TULP4: variants seen among roughly 807,000 people sequenced by gnomAD.
TULP4 encodes the protein TUB like protein 4.
Under a neutral mutation model 129.0 loss-of-function variants are expected in TULP4, and 16 were observed. The observed-to-expected ratio is 0.12, with a 90% CI of 0.08 to 0.19. The LOEUF (loss-of-function observed/expected upper bound fraction) is 0.19, where lower values mean the gene tolerates loss of function less well. TULP4 is among the 10% of genes least tolerant of loss of function. The pLI, the probability that TULP4 is intolerant of heterozygous loss-of-function variation, is 1.00. For missense variants in TULP4, 1,842 were observed against 2,059.1 expected (o/e 0.89, Z 2.04); for synonymous variants, 998 against 854.0 (o/e 1.17, Z -2.94).
intron 8 of TULP4, chr6:158,481,531 A>G (rs1779945321): frequency 3.6e-6 from 2 of 559,290 alleles, no homozygotes; most frequent in South Asian, 4.2e-5. Flanking sequence ...CGGTGGATAG[A>G]TGAACCAGGC....
chr6:158,257,485 T>C (rs952999949), intron 1 of TULP4, among the ~76,000 whole-genome samples: 3 of 152,240 alleles, frequency 2.0e-5, no homozygotes, highest in Non-Finnish European at 4.4e-5. Flanking sequence ...AAACAACATT[T>C]ATATTGTTGT....
At chr6:158,344,655 G>A (rs778726752) in intron 1 of TULP4, among the ~76,000 whole-genome samples, 12 of 152,084 alleles carry the variant, frequency 7.9e-5, no homozygotes, top group Non-Finnish European at 1.5e-4. Context: ...TGTTCCACCG[G>A]CTGGCCATTC....
chr6:158,309,004 C>T (rs1176560924), upstream of TULP4, among the ~76,000 whole-genome samples: 5 of 146,594 alleles, frequency 3.4e-5, no homozygotes, highest in African/African-American at 5.0e-5. Context: ...ACCTCCCTCC[C>T]GGACAGGGCG....
Position 158,429,770 on chromosome 6 carries a change from A to T in TULP4, c.416A>T (p.Gln139Leu). 1.2e-6 allele frequency: 2 copies of T among 1,613,438 alleles called. No individual in the cohort carries two copies. Among genetic ancestry groups the T allele is most frequent in the Non-Finnish European group, 1.7e-6 (2 of 1,179,682 alleles). The change falls in exon 3 of 14, where the codon CAA becomes CTA. Residue 139 changes from glutamine (Q) to leucine (L), a missense_variant. Transcript: ENST00000367097. ...TTCACGTGGAGCCATGATGGAACTC[A>T]AGCACTTATTTCCTATCGAGATGGG... The part of the protein sequence containing the change: ...SDFTWSHDGT[Q>L]ALISYRDGFV...
intron 6 of TULP4, among the ~76,000 whole-genome samples, chr6:158,462,385 C>CT (rs61200391): frequency 1.1e-3 from 152 of 134,558 alleles, no homozygotes; most frequent in East Asian, 1.9e-3. Context: ...TTTTTTCTTT[C>CT]TTTTTTTTTT....
chr6:158,446,698 T>C (rs1417787627), intron 3 of TULP4, among the ~76,000 whole-genome samples: 2 of 151,934 alleles, frequency 1.3e-5, no homozygotes, highest in African/African-American at 4.8e-5. Context: ...AGACATTGAG[T>C]TCTCACAATT....
At chr6:158,342,463 T>C (rs180748700) in intron 1 of TULP4, among the ~76,000 whole-genome samples, 34 of 152,304 alleles carry the variant, frequency 2.2e-4, no homozygotes, top group Admixed American at 1.8e-3. Flanking sequence ...ATAGCCTCGG[T>C]TGTCTCTGGA....
intron 8 of TULP4, among the ~76,000 whole-genome samples, chr6:158,483,875 C>G (rs1431693260): frequency 6.6e-6 from 1 of 151,736 alleles, no homozygotes; most frequent in Non-Finnish European, 1.5e-5. Context: ...ATATGTTCCT[C>G]AAAATCACCA....
intron 1 of TULP4, among the ~76,000 whole-genome samples, chr6:158,401,086 T>G (rs1439033967): frequency 6.8e-6 from 1 of 147,454 alleles, no homozygotes; most frequent in African/African-American, 2.6e-5. Flanking sequence ...TGTTGTTGTT[T>G]TGTTGTTTTG....
At chr6:158,494,339 C>T (rs938122319) in intron 10 of TULP4, among the ~76,000 whole-genome samples, 1 of 152,134 alleles carries the variant, frequency 6.6e-6, no homozygotes, top group African/African-American at 2.4e-5. Flanking sequence ...ATACCTTAGG[C>T]AAAATAATTT....
At chr6:158,266,235 T>G (rs1047078883) in intron 1 of TULP4, among the ~76,000 whole-genome samples, 4 of 152,214 alleles carry the variant, frequency 2.6e-5, no homozygotes, top group Non-Finnish European at 5.9e-5. Context: ...TATACTTCTT[T>G]TTGAAAAATT....
At chr6:158,349,002 G>A (rs201025694) in intron 1 of TULP4, among the ~76,000 whole-genome samples, 5 of 66,196 alleles carry the variant, frequency 7.6e-5, no homozygotes, top group Admixed American at 2.6e-4. Context: ...CCGGGCAGAG[G>A]CGCTCCTCAC....
At chr6:158,468,433 A>G (rs1431887251) in intron 6 of TULP4, among the ~76,000 whole-genome samples, 1 of 152,224 alleles carries the variant, frequency 6.6e-6, no homozygotes, top group East Asian at 1.9e-4. Context: ...TTTTTCCACC[A>G]GCCTGATTGA....
At chr6:158,501,529 A>G (rs1400311188) in intron 12 of TULP4, 149 bp from the exon 13 acceptor site, 14 of 776,270 alleles carry the variant, frequency 1.8e-5, no homozygotes, top group Non-Finnish European at 2.4e-5. Context: ...CGAGCAGGCC[A>G]GCTTTCCCCA....
intron 1 of TULP4, among the ~76,000 whole-genome samples, chr6:158,252,728 T>C (rs2128452932): frequency 6.6e-6 from 1 of 152,330 alleles, no homozygotes; most frequent in South Asian, 2.1e-4. Flanking sequence ...CATTGGTACA[T>C]TATTATTAAT....
Position 158,481,068 on chromosome 6 carries a change from A to G in TULP4, c.1265A>G (p.Asp422Gly). The change falls in exon 8 of 14, where the codon GAT (aspartate) becomes GGT (glycine). Residue 422 changes from aspartate (D) to glycine (G), a missense_variant. Asp to Gly is a moderately conservative substitution (Grantham distance 94, BLOSUM62 -1). Transcript: ENST00000367097. Reference sequence around the variant, plus strand: ...TGTATCCTCCAGCCCCCAATTCCAGATCCGAACAACATGAGAGACTTTGTC... The same window carrying G: ...TGTATCCTCCAGCCCCCAATTCCAGGTCCGAACAACATGAGAGACTTTGTC... ...FIPTIKPPIPDPNNMRDFVSY... is the reference protein window; with the variant it reads ...FIPTIKPPIPGPNNMRDFVSY... The G allele has an allele frequency of 5.1e-6, 8 of 1,571,226 alleles. No homozygotes were observed. Among genetic ancestry groups the G allele is most frequent in the Non-Finnish European group, 6.9e-6 (8 of 1,154,880 alleles).
chr6:158,444,562 A>G (rs1583883483), intron 3 of TULP4, among the ~76,000 whole-genome samples: 2 of 152,166 alleles, frequency 1.3e-5, no homozygotes, highest in Admixed American at 6.6e-5. Context: ...ACATTTCCCA[A>G]CATGGTTTTA....
At chr6:158,263,735 G>A (rs931216285) in intron 1 of TULP4, among the ~76,000 whole-genome samples, 5 of 152,004 alleles carry the variant, frequency 3.3e-5, no homozygotes, top group Non-Finnish European at 5.9e-5. Flanking sequence ...CAGCCTGGGC[G>A]ACAGAGGGAG....
chr6:158,392,069 A>C (rs182251860), intron 1 of TULP4, among the ~76,000 whole-genome samples: 156 of 152,348 alleles, frequency 1.0e-3, no homozygotes, highest in African/African-American at 3.7e-3. Context: ...GGCAGTTTAC[A>C]AAAGAAAGGT....
Sources: allele counts gnomAD v4.1 joint callset (sites outside exome capture counted in the v4.1 genomes callset), GRCh38; gene constraint gnomAD v4.1.1; transcripts MANE v1.5; gene names NCBI Gene and HGNC (gene_info 2026-07-23, HGNC 2026-07-21).